MACROD2: variants seen among roughly 807,000 people sequenced by gnomAD.
MACROD2 encodes ADP-ribose glycohydrolase MACROD2.
Under a neutral mutation model 70.4 loss-of-function variants are expected in MACROD2, and 36 were observed. The ratio of observed to expected loss-of-function variants is 0.51; its 90% CI spans 0.39 to 0.68. MACROD2 has a LOEUF of 0.68. Ranked by LOEUF, MACROD2 falls within the 30% of genes least tolerant of loss-of-function variation. MACROD2 has a pLI of 0.00. For missense variants in MACROD2, 496 were observed against 538.4 expected (o/e 0.92, Z 0.78); for synonymous variants, 172 against 178.8 (o/e 0.96, Z 0.30).
chr20:14,748,064 G>A (rs1324156611), intron 5 of MACROD2, among the ~76,000 whole-genome samples: 2 of 152,078 alleles, frequency 1.3e-5, no homozygotes, highest in Non-Finnish European at 2.9e-5. Flanking sequence ...TGTACCAGAT[G>A]TACCACATAT....
At chr20:15,819,794 T>A (rs1387590879) in intron 8 of MACROD2, among the ~76,000 whole-genome samples, 2 of 151,878 alleles carry the variant, frequency 1.3e-5, no homozygotes, top group East Asian at 1.9e-4. Flanking sequence ...GAGATATAGG[T>A]CAACAGATAC....
At chr20:15,771,619 G>A (rs2051628820) in intron 8 of MACROD2, among the ~76,000 whole-genome samples, 1 of 151,968 alleles carries the variant, frequency 6.6e-6, no homozygotes, top group Non-Finnish European at 1.5e-5. Context: ...GTATGCATAT[G>A]TATGTATGTG....
intron 1 of MACROD2, among the ~76,000 whole-genome samples, chr20:14,001,456 A>G (rs947499150): frequency 1.3e-5 from 2 of 152,128 alleles, no homozygotes; most frequent in Non-Finnish European, 2.9e-5. Flanking sequence ...GCAGTTGAGG[A>G]AATATCTTGG....
At chr20:14,366,253 AT>A (rs2083270953) in intron 3 of MACROD2, among the ~76,000 whole-genome samples, 1 of 151,508 alleles carries the variant, frequency 6.6e-6, no homozygotes, top group East Asian at 1.9e-4. Context: ...AATTCTGTCA[AT>A]TTTTGCTTTA....
At chr20:15,548,632 G>A (rs949560550) in intron 8 of MACROD2, among the ~76,000 whole-genome samples, 2 of 152,146 alleles carry the variant, frequency 1.3e-5, no homozygotes, top group African/African-American at 2.4e-5. Flanking sequence ...CTGACCTTGT[G>A]ATCCACCCAC....
At chr20:14,163,925 A>T (rs2055227779) in intron 3 of MACROD2, among the ~76,000 whole-genome samples, 1 of 151,564 alleles carries the variant, frequency 6.6e-6, no homozygotes, top group Non-Finnish European at 1.5e-5. Context: ...CATATTTTGA[A>T]TTATTTTTCT....
chr20:15,108,714 C>T (rs2075931059), intron 5 of MACROD2, among the ~76,000 whole-genome samples: 1 of 152,068 alleles, frequency 6.6e-6, no homozygotes, highest in South Asian at 2.1e-4. Flanking sequence ...TTTTTTGAAG[C>T]ACAATTCAAA....
intron 8 of MACROD2, among the ~76,000 whole-genome samples, chr20:15,570,473 T>C (rs1332112157): frequency 1.3e-5 from 2 of 152,196 alleles, no homozygotes; most frequent in African/African-American, 2.4e-5. Context: ...CTTTTAGTTA[T>C]GAACGACTGA....
intron 15 of MACROD2, among the ~76,000 whole-genome samples, chr20:16,008,841 A>C (rs1601316426): frequency 6.6e-6 from 1 of 152,146 alleles, no homozygotes; most frequent in Non-Finnish European, 1.5e-5. Flanking sequence ...ATGAAACGTT[A>C]CCTCCTGCCA....
chr20:15,568,438 T>C (rs1367546886), intron 8 of MACROD2, among the ~76,000 whole-genome samples: 1 of 152,202 alleles, frequency 6.6e-6, no homozygotes, highest in Non-Finnish European at 1.5e-5. Flanking sequence ...TCTTACCCTA[T>C]GTCTAACAGT....
intron 3 of MACROD2, among the ~76,000 whole-genome samples, chr20:14,436,927 G>T (rs942853091): frequency 6.6e-6 from 1 of 152,248 alleles, no homozygotes; most frequent in Non-Finnish European, 1.5e-5. Flanking sequence ...ACTTTGCTTG[G>T]TTTTTGTTTT....
At chr20:14,082,435 A>C (rs959957817) in intron 2 of MACROD2, among the ~76,000 whole-genome samples, 2 of 142,916 alleles carry the variant, frequency 1.4e-5, no homozygotes, top group East Asian at 2.0e-4. Context: ...CTCATGATCC[A>C]CCCGCCTCAG....
intron 5 of MACROD2, among the ~76,000 whole-genome samples, chr20:14,981,376 C>T (rs940510599): frequency 6.6e-6 from 1 of 150,674 alleles, no homozygotes; most frequent in Non-Finnish European, 1.5e-5. Context: ...AACCTCACTC[C>T]TTTGGAAAAG....
At chr20:14,784,764 G>A (rs76406630) in intron 5 of MACROD2, among the ~76,000 whole-genome samples, 10,295 of 148,496 alleles carry the variant, frequency 0.069, 476 homozygotes, top group East Asian at 0.17. Flanking sequence ...TAAAATTAAA[G>A]TCCTTTATTA....
At chr20:14,842,155 C>A (rs746460174) in intron 5 of MACROD2, among the ~76,000 whole-genome samples, 3 of 152,074 alleles carry the variant, frequency 2.0e-5, no homozygotes, top group Non-Finnish European at 2.9e-5. Flanking sequence ...ACCGACCGTT[C>A]TCTAGAGAGA....
intron 6 of MACROD2, among the ~76,000 whole-genome samples, chr20:15,313,226 G>T (rs1427578152): frequency 6.6e-6 from 1 of 152,052 alleles, no homozygotes; most frequent in Non-Finnish European, 1.5e-5. Context: ...ATGATATGCG[G>T]CCGTGTGCGG....
intron 3 of MACROD2, among the ~76,000 whole-genome samples, chr20:14,123,845 A>G (rs1160033528): frequency 6.6e-6 from 1 of 152,198 alleles, no homozygotes; most frequent in Admixed American, 6.5e-5. Context: ...TGTGATCAGC[A>G]GTGGTAAAAT....
chr20:14,779,393 G>A (rs775547035), intron 5 of MACROD2, among the ~76,000 whole-genome samples: 5 of 152,026 alleles, frequency 3.3e-5, no homozygotes, highest in Non-Finnish European at 5.9e-5. Flanking sequence ...ATATATTCAC[G>A]AGCTAATCAC....
chr20:15,314,067 A>G (rs1181879027), intron 6 of MACROD2, among the ~76,000 whole-genome samples: 1 of 152,186 alleles, frequency 6.6e-6, no homozygotes, highest in Admixed American at 6.5e-5. Context: ...ATTAAAAGGT[A>G]AAATATCATT....
Sources: allele counts gnomAD v4.1 joint callset (sites outside exome capture counted in the v4.1 genomes callset), GRCh38; gene constraint gnomAD v4.1.1; transcripts MANE v1.5; gene names NCBI Gene and HGNC (gene_info 2026-07-23, HGNC 2026-07-21).